ESRRG: variants seen among roughly 807,000 people sequenced by gnomAD.
ESRRG encodes the protein estrogen related receptor gamma, also known as estrogen-related receptor gamma.
A neutral mutation model predicts 44.0 loss-of-function variants in ESRRG; 13 were observed. The ratio of observed to expected loss-of-function variants is 0.30; its 90% CI spans 0.19 to 0.47. ESRRG has a LOEUF of 0.47. ESRRG is among the 20% of genes least tolerant of loss of function. The probability of loss-of-function intolerance (pLI) is 1.00; values close to 1 mark genes in which losing one functional copy is unlikely to be tolerated. For missense variants in ESRRG, 395 were observed against 580.6 expected (o/e 0.68, Z 3.29); for synonymous variants, 215 against 214.6 (o/e 1.00, Z -0.02).
intron 3 of ESRRG, among the ~76,000 whole-genome samples, chr1:216,622,677 G>A (rs1043555367): frequency 1.3e-5 from 2 of 151,804 alleles, no homozygotes; most frequent in African/African-American, 4.8e-5. Flanking sequence ...CATTGGTAGG[G>A]CATGCCTTTT....
rs2041195606 is a variant in ESRRG at position 216,506,307 on chromosome 1, G to C, written c.*632C>G. 1 of 242,148 alleles carries C rather than the reference G, an allele frequency of 4.1e-6. No individual in the cohort carries two copies. The highest frequency in any genetic ancestry group is 2.3e-5 in the African/African-American group (1 of 43,790). 15.0% of individuals were successfully genotyped at this position (242,148 alleles called of 1,614,324 possible). A position where few individuals can be genotyped will look rare whatever the true frequency, so the allele number is the denominator to read the frequency against. On this transcript the variant is annotated 3_prime_UTR_variant, in exon 7 of 7. Transcript: ENST00000408911. ...TTCCTTAGTCATTGGGGACAGTATG[G>C]TTCACAATAAGTTCACTGGCATCCA... is the stretch of plus-strand genomic sequence containing the variant.
intron 2 of ESRRG, among the ~76,000 whole-genome samples, chr1:216,807,715 T>TAA (rs35032983): frequency 0.021 from 3,047 of 147,176 alleles, 40 homozygotes; most frequent in African/African-American, 0.032. Context: ...CCTTTGCCAA[T>TAA]AAAAAAAAAA....
At chr1:216,858,551 G>A (rs185060053) in intron 2 of ESRRG, among the ~76,000 whole-genome samples, 6 of 152,120 alleles carry the variant, frequency 3.9e-5, no homozygotes, top group Admixed American at 2.0e-4. Context: ...CAAATGCTGG[G>A]CATGGGCAGA....
chr1:216,720,125 A>G (rs1333405903), intron 1 of ESRRG, among the ~76,000 whole-genome samples: 1 of 152,104 alleles, frequency 6.6e-6, no homozygotes, highest in Non-Finnish European at 1.5e-5. Flanking sequence ...CATATGTTAC[A>G]TAATACTAGT....
intron 2 of ESRRG, among the ~76,000 whole-genome samples, chr1:216,741,226 T>C (rs902094408): frequency 6.8e-6 from 1 of 146,990 alleles, no homozygotes; most frequent in Non-Finnish European, 1.5e-5. Context: ...TATTATATAA[T>C]TTATATTTAT....
At chr1:216,796,807 ATGACACTCTT>A (rs1263129026) in intron 2 of ESRRG, among the ~76,000 whole-genome samples, 2 of 151,388 alleles carry the variant, frequency 1.3e-5, no homozygotes, top group East Asian at 3.9e-4. Context: ...TCCTGCTTCT[ATGACACTCTT>A]TCCCAGTCAC....
In ESRRG at chr1:217,053,585, C is replaced by T. The variant is rs143588289; in HGVS notation, c.-106+35922G>A. Among the ~76,000 whole-genome samples, 517 of 152,254 alleles carry T rather than the reference C, an allele frequency of 3.4e-3. 2 individuals are homozygous for T. Among genetic ancestry groups the T allele is most frequent in the African/African-American group, 0.012 (488 of 41,554 alleles). On this transcript the variant is annotated intron_variant, in intron 1 of 7. Coordinates refer to the ESRRG transcript ENST00000359162. ...ATTTGTGTTTTAGTCATTAGATGTC[C>T]ATAGATTATTCAAGAATAAATATTA...
chr1:216,640,488 GGAGAGAGAGA>G (rs72397494), intron 3 of ESRRG, among the ~76,000 whole-genome samples: 22 of 146,854 alleles, frequency 1.5e-4, no homozygotes, highest in Non-Finnish European at 2.8e-4. Flanking sequence ...ACTAAGTGAG[GGAGAGAGAGA>G]GAGAGAGAGA....
intron 5 of ESRRG, among the ~76,000 whole-genome samples, chr1:216,531,244 G>T (rs1038877126): frequency 6.6e-6 from 1 of 152,110 alleles, no homozygotes; most frequent in Non-Finnish European, 1.5e-5. Flanking sequence ...GATGCTTAAA[G>T]ACCTAGGCAT....
At chr1:216,725,281 T>A (rs2152093864), upstream of ESRRG, among the ~76,000 whole-genome samples, 1 of 152,266 alleles carries the variant, frequency 6.6e-6, no homozygotes, top group African/African-American at 2.4e-5. Context: ...CAGAATACTG[T>A]ATAAAAGCAG....
At chr1:216,825,338 T>A (rs2095372008) in intron 2 of ESRRG, among the ~76,000 whole-genome samples, 1 of 152,208 alleles carries the variant, frequency 6.6e-6, no homozygotes, top group Non-Finnish European at 1.5e-5. Flanking sequence ...TACAGCTGAA[T>A]ATTGCTTAAA....
intron 2 of ESRRG, among the ~76,000 whole-genome samples, chr1:216,850,550 T>A (rs1211582705): frequency 6.6e-6 from 1 of 152,106 alleles, no homozygotes; most frequent in African/African-American, 2.4e-5. Context: ...GTGAAATATA[T>A]AATGTATATG....
chr1:216,545,330 T>C (rs1435210095), intron 5 of ESRRG, among the ~76,000 whole-genome samples: 1 of 151,894 alleles, frequency 6.6e-6, no homozygotes, highest in Non-Finnish European at 1.5e-5. Flanking sequence ...CCCAAACTGC[T>C]AGGATTACAG....
intron 1 of ESRRG, among the ~76,000 whole-genome samples, chr1:217,075,593 C>CCCT (rs1553275046): frequency 6.8e-6 from 1 of 147,862 alleles, no homozygotes; most frequent in Non-Finnish European, 1.5e-5. Flanking sequence ...CTCCTTTCCC[C>CCCT]CCCCCAACAT....
At chr1:216,643,549 G>T (rs2066884241) in intron 3 of ESRRG, among the ~76,000 whole-genome samples, 1 of 152,114 alleles carries the variant, frequency 6.6e-6, no homozygotes, top group Admixed American at 6.5e-5. Flanking sequence ...GGCAAAAATG[G>T]CGTGACCCTT....
At chr1:216,899,278 T>C (rs189138110) in intron 2 of ESRRG, among the ~76,000 whole-genome samples, 4 of 152,360 alleles carry the variant, frequency 2.6e-5, no homozygotes, top group Admixed American at 6.5e-5. Flanking sequence ...AATTTAGTCT[T>C]TGAATAAATA....
intron 2 of ESRRG, among the ~76,000 whole-genome samples, chr1:216,817,116 C>A (rs77634062): frequency 0.017 from 2,626 of 150,702 alleles, 67 homozygotes; most frequent in African/African-American, 0.05. Flanking sequence ...TCTTAAAAGG[C>A]GAAATATTTT....
chr1:216,621,742 G>A (rs2062272737), intron 3 of ESRRG, among the ~76,000 whole-genome samples: 1 of 152,188 alleles, frequency 6.6e-6, no homozygotes, highest in Non-Finnish European at 1.5e-5. Context: ...TATTGCAACA[G>A]ATGGCTCCAC....
Position 216,819,473 on chromosome 1 carries a change from T to C in ESRRG, c.-14+120109A>G, listed in dbSNP as rs1032783520. 3.9e-5 allele frequency among the ~76,000 whole-genome samples: 6 copies of C among 152,238 alleles called. No individual in the cohort carries two copies. In the East Asian group the frequency reaches 7.7e-4, roughly 20 times the overall value. On this transcript the variant is annotated intron_variant, in intron 2 of 7. Transcript: ENST00000359162. ...GCTAATGTTAACAGCAAATTTCTTA[T>C]GGCCCAAATCACATTTCACTTCATG...
Sources: gnomAD v4.1 joint callset for allele counts (sites outside exome capture counted in the v4.1 genomes callset) on GRCh38, gnomAD v4.1.1 for gene constraint, MANE v1.5 for transcripts, NCBI Gene and HGNC (gene_info 2026-07-23, HGNC 2026-07-21) for gene names.